Variants in EXOSC7 observed in about 807,000 individuals in gnomAD.
The protein encoded by EXOSC7 is exosome complex component RRP42.
EXOSC7 carries 25 observed loss-of-function variants against 34.3 expected under a neutral mutation model. The ratio of observed to expected loss-of-function variants is 0.73; its 90% CI spans 0.53 to 1.02. EXOSC7 has a LOEUF of 1.02. Ranked by LOEUF, EXOSC7 falls within the 50% of genes least tolerant of loss-of-function variation. The pLI is 0.00. For synonymous variants in EXOSC7, 130 were observed against 143.0 expected, an observed-to-expected ratio of 0.91 and a Z score of 0.65; for missense variants, 370 against 368.5, an observed-to-expected ratio of 1.00 and a Z score of -0.03.
chr3:44,985,206 A>G (rs969753871), intron 1 of EXOSC7, among the ~76,000 whole-genome samples: 1 of 152,182 alleles, frequency 6.6e-6, no homozygotes, highest in African/African-American at 2.4e-5. Flanking sequence ...TTACATAGTT[A>G]TGGGTCTTCC....
chr3:44,981,372 A>G (rs1257318510), intron 1 of EXOSC7, among the ~76,000 whole-genome samples: 2 of 152,286 alleles, frequency 1.3e-5, no homozygotes, highest in South Asian at 2.1e-4. Context: ...ATGGGGACTT[A>G]TGCACCTGGA....
intron 1 of EXOSC7, chr3:44,977,491 G>A (rs146243891): frequency 6.6e-6 from 1 of 152,246 alleles, no homozygotes; most frequent in Non-Finnish European, 1.5e-5. Context: ...ATGAAGAAAT[G>A]CCAATATTTA....
At chr3:45,001,943 T>C in intron 5 of EXOSC7, 1 of 261,366 alleles carries the variant, frequency 3.8e-6, no homozygotes, top group South Asian at 5.6e-5. Flanking sequence ...GGGTGAACTC[T>C]ATGGGGGCAA....
rs1452360383 is a variant in EXOSC7 at position 45,011,392 on chromosome 3, C to T, written c.*53C>T. 2.2e-5 allele frequency: 25 copies of T among 1,145,654 alleles called. No individual in the cohort carries two copies. The highest frequency in any genetic ancestry group is 1.0e-4 in the East Asian group (4 of 39,782). 71.0% of individuals were successfully genotyped at this position (1,145,654 alleles called of 1,614,324 possible). On this transcript the variant is annotated 3_prime_UTR_variant, in exon 8 of 8. Transcript: ENST00000265564. Reference sequence around the variant, plus strand: ...TTGTTTTTTACTTTTCCTTTTAAACCGGTTCGTATATATTTTTCTTCGCTG... The same window carrying T: ...TTGTTTTTTACTTTTCCTTTTAAACTGGTTCGTATATATTTTTCTTCGCTG...
intron 4 of EXOSC7, among the ~76,000 whole-genome samples, chr3:45,001,255 C>G (rs917108243): frequency 6.6e-6 from 1 of 151,996 alleles, no homozygotes; most frequent in African/African-American, 2.4e-5. Flanking sequence ...GAGTTCAAGA[C>G]CAGCCTGGCC....
intron 6 of EXOSC7, among the ~76,000 whole-genome samples, chr3:45,006,793 CA>C (rs1182011803): frequency 6.7e-6 from 1 of 150,078 alleles, no homozygotes; most frequent in Non-Finnish European, 1.5e-5. Flanking sequence ...ACCTCTGCTG[CA>C]ACCCCCCCAC....
At chr3:45,004,517 A>G (rs541081304) in intron 5 of EXOSC7, 2 of 150,834 alleles carry the variant, frequency 1.3e-5, no homozygotes, top group African/African-American at 4.9e-5. Flanking sequence ...TGGCCTCTGA[A>G]AGTACTGGGA....
chr3:44,995,531 T>C (rs1419062573), intron 3 of EXOSC7, among the ~76,000 whole-genome samples: 2 of 152,216 alleles, frequency 1.3e-5, no homozygotes, highest in Non-Finnish European at 2.9e-5. Flanking sequence ...GGACTTAATA[T>C]TGATTGCTTA....
intron 1 of EXOSC7, among the ~76,000 whole-genome samples, chr3:44,978,971 GTTT>G (rs758806602): frequency 6.6e-6 from 1 of 152,106 alleles, no homozygotes; most frequent in Non-Finnish European, 1.5e-5. Flanking sequence ...GTTGGATGGT[GTTT>G]TTATTTTTTA....
rs1284634704 is a variant in EXOSC7 at position 45,001,851 on chromosome 3, A to G, written c.491+243A>G. 2 of 425,224 alleles carry G rather than the reference A, an allele frequency of 4.7e-6. 1 individual carries two copies. Among genetic ancestry groups the G allele is most frequent in the South Asian group, 7.3e-5 (2 of 27,286 alleles). The allele number at this position is 425,224 out of a possible 1,614,324, so 26.3% of individuals were successfully genotyped here. Reference sequence around the variant, plus strand: ...TTATTTTTATAAATAGACACCTACCATTTAGAAAAATATTAGAAAACTACA... The same window carrying G: ...TTATTTTTATAAATAGACACCTACCGTTTAGAAAAATATTAGAAAACTACA... On this transcript the variant is annotated intron_variant, in intron 5 of 7. Coordinates refer to ENST00000265564, the MANE Select transcript of EXOSC7 (RefSeq NM_015004.4).
At chr3:44,986,224 A>AGG (rs1706409978) in intron 1 of EXOSC7, among the ~76,000 whole-genome samples, 1 of 115,738 alleles carries the variant, frequency 8.6e-6, no homozygotes, top group Non-Finnish European at 2.0e-5. Context: ...TGGGGGTGGG[A>AGG]GGGCGGGGAG....
At chr3:44,997,756 G>C (rs1559747864) in intron 4 of EXOSC7, among the ~76,000 whole-genome samples, 2 of 152,228 alleles carry the variant, frequency 1.3e-5, no homozygotes, top group Non-Finnish European at 1.5e-5. Context: ...GAGTAGTGCT[G>C]TTGAGTCTCA....
At chr3:44,981,398 T>C (rs1001270334) in intron 1 of EXOSC7, among the ~76,000 whole-genome samples, 1 of 152,148 alleles carries the variant, frequency 6.6e-6, no homozygotes, top group African/African-American at 2.4e-5. Flanking sequence ...AATGGGGTTA[T>C]GAGGAATGAT....
At chr3:44,984,890 G>A (rs965359319) in intron 1 of EXOSC7, among the ~76,000 whole-genome samples, 32 of 152,198 alleles carry the variant, frequency 2.1e-4, no homozygotes, top group Admixed American at 2.0e-3. Flanking sequence ...ATCACTTTGA[G>A]ACTAATTTAA....
chr3:45,006,637 C>T lies in EXOSC7; in HGVS notation c.616-783C>T, dbSNP rs540103196. On this transcript the variant is annotated intron_variant, in intron 6 of 7. Transcript: ENST00000265564. The stretch of plus-strand genomic sequence containing the variant: ...TTCACCTTGTTAGCCAGGATGGTCT[C>T]GATCTCCTGACCTCATGATCTGCCC... 1.4e-4 allele frequency among the ~76,000 whole-genome samples: 21 copies of T among 150,028 alleles called. 1 individual carries two copies. The South Asian group carries it at 4.1e-3, about 29-fold the overall frequency.
Position 44,988,823 on chromosome 3 carries a change from A to G in EXOSC7, c.58-317A>G, listed in dbSNP as rs113688256. 1.2e-3 allele frequency among the ~76,000 whole-genome samples: 182 copies of G among 152,196 alleles called. 1 individual carries two copies. In the Middle Eastern group the frequency reaches 0.031, roughly 26 times the overall value. ...GTGGCTTATTTTGTCTCTTGTTCAG[A>G]TCTTGTTTTTGTGTGCATATTCTAT... On this transcript the variant is annotated intron_variant, in intron 1 of 7. Transcript: ENST00000265564.
rs34376719 is a variant in EXOSC7, at chr3:45,001,603, T to C, written c.486T>C (p.Asn162=). The C allele has an allele frequency of 1.6e-3, 2,531 of 1,611,156 alleles. 38 individuals carry two copies. The African/African-American group carries it at 0.028, about 18-fold the overall frequency. ...ISIAVKAALF[N]TRIPRVRVLE... ...TTGCTGTAAAGGCTGCTCTCTTCAA[T>C]ACAAGGTAAGTCTTCCTAGAAACAG... Residue 162 remains asparagine (N), a synonymous_variant, in exon 5 of 8, where the codon AAT becomes AAC. Transcript: ENST00000265564.
intron 4 of EXOSC7, among the ~76,000 whole-genome samples, chr3:44,998,195 C>G (rs1407743435): frequency 1.3e-5 from 2 of 151,956 alleles, no homozygotes; most frequent in African/African-American, 4.8e-5. Flanking sequence ...GTCACCATGC[C>G]TGGCTCATTT....
At chr3:44,980,737 C>G (rs1326525164) in intron 1 of EXOSC7, among the ~76,000 whole-genome samples, 7 of 152,226 alleles carry the variant, frequency 4.6e-5, no homozygotes, top group African/African-American at 2.4e-5. Context: ...ATTGACACCT[C>G]CCACTCCCCA....
Sources: gnomAD v4.1 joint callset for allele counts (sites outside exome capture counted in the v4.1 genomes callset) on GRCh38, gnomAD v4.1.1 for gene constraint, MANE v1.5 for transcripts, NCBI Gene and HGNC (gene_info 2026-07-23, HGNC 2026-07-21) for gene names.